The following OPRM1 variants were observed in gnomAD, a reference collection of about 807,000 sequenced individuals.
OPRM1 encodes the protein mu-type opioid receptor.
Under a neutral mutation model 31.8 loss-of-function variants are expected in OPRM1, and 27 were observed. That is an observed-to-expected ratio of 0.85 (90% confidence interval 0.63 to 1.17). The LOEUF is 1.17. Ranked by LOEUF, OPRM1 falls within the 50% of genes most tolerant of loss-of-function variation. The probability of loss-of-function intolerance (pLI) is 0.00; values close to 1 mark genes in which losing one functional copy is unlikely to be tolerated. For missense variants in OPRM1, 536 were observed against 511.1 expected, an observed-to-expected ratio of 1.05 and a Z score of -0.47; for synonymous variants, 196 against 189.9, an observed-to-expected ratio of 1.03 and a Z score of -0.26.
intron 1 of OPRM1, among the ~76,000 whole-genome samples, chr6:154,058,809 C>T (rs938304546): frequency 6.6e-6 from 1 of 152,086 alleles, no homozygotes. Context: ...CTTAAATACA[C>T]TACATTAAAA....
chr6:154,109,786 CTCTCTCTGTG>C (rs1362262074), intron 3 of OPRM1, among the ~76,000 whole-genome samples: 10 of 92,352 alleles, frequency 1.1e-4, no homozygotes, highest in Middle Eastern at 6.0e-3. Flanking sequence ...CTCTCTCTCT[CTCTCTCTGTG>C]TGTGTGTGTG....
chr6:154,129,307 T>C lies in OPRM1; in HGVS notation c.*10586T>C, dbSNP rs201611996. On this transcript the variant is annotated 3_prime_UTR_variant, in exon 4 of 4. Transcript: ENST00000330432. ...AACAGAACAATGTTCTTCTATACAA[T>C]GTAAGGAATCTATGAATAACATCGG... 4.6e-5 allele frequency among the ~76,000 whole-genome samples: 7 copies of C among 152,318 alleles called. 1 individual carries two copies. The East Asian group carries it at 7.7e-4, about 17-fold the overall frequency.
intron 3 of OPRM1, among the ~76,000 whole-genome samples, chr6:154,152,357 A>AAAGAAAGAAAGAAAGAAAGC (rs1798551129): frequency 6.8e-6 from 1 of 147,286 alleles, no homozygotes; most frequent in South Asian, 2.2e-4. Flanking sequence ...GGAAAGAAAG[A>AAAGAAAGAAAGAAAGAAAGC]AAGAAAGAAA....
At chr6:154,146,376 G>A (rs1218086833) in intron 3 of OPRM1, among the ~76,000 whole-genome samples, 1 of 152,046 alleles carries the variant, frequency 6.6e-6, no homozygotes, top group Non-Finnish European at 1.5e-5. Flanking sequence ...CTCTAGTCTG[G>A]GCAACAGAAC....
chr6:154,082,956 A>T (rs1164509455), intron 1 of OPRM1, among the ~76,000 whole-genome samples: 1 of 152,202 alleles, frequency 6.6e-6, no homozygotes, highest in Non-Finnish European at 1.5e-5. Flanking sequence ...TATAATACAT[A>T]AATACTATTT....
At position 154,039,411 on chromosome 6, in the gene OPRM1, C is replaced by T. The variant is rs1402154770; in HGVS notation, c.-134C>T. On this transcript the variant is annotated 5_prime_UTR_variant, in exon 1 of 4. Transcript: ENST00000330432. The stretch of plus-strand genomic sequence containing the variant: ...CGCCTGACGCTCCTCTCTGTCTCAG[C>T]CAGGACTGGTTTCTGTAAGAAACAG... 6.5e-7 allele frequency: 1 copy of T among 1,550,028 alleles called. No homozygotes were observed. The highest frequency in any genetic ancestry group is 1.4e-5 in the African/African-American group (1 of 72,982).
At chr6:154,048,002 G>T (rs888741168) in intron 1 of OPRM1, among the ~76,000 whole-genome samples, 2 of 152,074 alleles carry the variant, frequency 1.3e-5, no homozygotes, top group Non-Finnish European at 2.9e-5. Flanking sequence ...TTTCATAAGG[G>T]CATTAATAGT....
Position 154,039,632 on chromosome 6 carries a change from TC to T in OPRM1, c.90del (p.Trp31GlyfsTer7). On this transcript the variant is annotated frameshift_variant, in exon 1 of 4. Transcript: ENST00000330432. LOFTEE classifies it high-confidence loss of function. Reference sequence around the variant, plus strand: ...TTGCTCCCCAGCACCCAGCCCCGGTTCCTGGGTCAACTTGTCCCACTTAGAT... The same window carrying T: ...TTGCTCCCCAGCACCCAGCCCCGGTTCTGGGTCAACTTGTCCCACTTAGAT... Reference protein sequence around the residue: ...SSCSPAPSPGSWVNLSHLDGN... With the variant: ...SSCSPAPSPGXWVNLSHLDGN... 2.5e-6 allele frequency: 4 copies of T among 1,613,744 alleles called. No individual in the cohort carries two copies. The highest frequency in any genetic ancestry group is 3.4e-6 in the Non-Finnish European group (4 of 1,179,664).
At chr6:154,078,991 G>A (rs1300985104) in intron 1 of OPRM1, among the ~76,000 whole-genome samples, 1 of 152,182 alleles carries the variant, frequency 6.6e-6, no homozygotes, top group African/African-American at 2.4e-5. Flanking sequence ...CACACAGAGA[G>A]GAAGAGAGGA....
rs767553433 is a variant in OPRM1, at chr6:154,039,591, C to G, written c.47C>G (p.Ala16Gly). 10 of 1,613,858 alleles carry G rather than the reference C, an allele frequency of 6.2e-6. No homozygotes were observed. Among genetic ancestry groups the G allele is most frequent in the Non-Finnish European group, 6.8e-6 (8 of 1,179,898 alleles). ...APTNASNCTD[A>G]LAYSSCSPAP... ...ACGAACGCCAGCAATTGCACTGATG[C>G]CTTGGCGTACTCAAGTTGCTCCCCA... Residue 16 changes from alanine to glycine, a missense_variant, in exon 1 of 4, where the codon GCC becomes GGC. Physicochemically the swap from Ala to Gly is moderately conservative, Grantham distance 60. Transcript: ENST00000330432.
At chr6:154,210,499 A>G (rs1777876443) in intron 3 of OPRM1, among the ~76,000 whole-genome samples, 2 of 152,202 alleles carry the variant, frequency 1.3e-5, no homozygotes, top group Non-Finnish European at 2.9e-5. Context: ...AACAAGGAAC[A>G]TTTTTTGAAG....
intron 1 of OPRM1, among the ~76,000 whole-genome samples, chr6:154,017,904 T>C (rs944981953): frequency 6.6e-6 from 1 of 152,132 alleles, no homozygotes; most frequent in Non-Finnish European, 1.5e-5. Flanking sequence ...TCAAACCACC[T>C]AGTCAATTAA....
chr6:154,212,862 C>T, intron 3 of OPRM1: 2 of 1,597,316 alleles, frequency 1.3e-6, no homozygotes, highest in Non-Finnish European at 1.7e-6. Context: ...CATTCTATAA[C>T]AAAAATGAAA....
chr6:154,021,191 G>A (rs1159383594), intron 1 of OPRM1, among the ~76,000 whole-genome samples: 2 of 152,148 alleles, frequency 1.3e-5, no homozygotes, highest in Non-Finnish European at 2.9e-5. Context: ...ACATCCCATT[G>A]TTCAGCACCA....
chr6:154,167,852 T>C (rs773615630), intron 3 of OPRM1: 48 of 1,187,072 alleles, frequency 4.0e-5, no homozygotes, highest in Non-Finnish European at 5.2e-5. Flanking sequence ...AGCAAGAATC[T>C]CTCTGCAGAA....
At chr6:154,093,348 C>T in intron 3 of OPRM1, 2 of 1,614,148 alleles carry the variant, frequency 1.2e-6, no homozygotes, top group Non-Finnish European at 8.5e-7. Context: ...ACTGCAAGGA[C>T]CTCTTGTCAG....
intron 3 of OPRM1, among the ~76,000 whole-genome samples, chr6:154,173,494 A>C (rs1337427184): frequency 6.6e-6 from 1 of 152,232 alleles, no homozygotes; most frequent in African/African-American, 2.4e-5. Flanking sequence ...TTTGGTGCTG[A>C]AAACCACAGT....
At chr6:154,076,512 A>G (rs1787911221) in intron 1 of OPRM1, among the ~76,000 whole-genome samples, 1 of 152,188 alleles carries the variant, frequency 6.6e-6, no homozygotes. Context: ...CATATTACCT[A>G]TCATTCATAA....
intron 1 of OPRM1, among the ~76,000 whole-genome samples, chr6:154,082,873 C>G (rs778729045): frequency 6.6e-6 from 1 of 152,016 alleles, no homozygotes; most frequent in Non-Finnish European, 1.5e-5. Flanking sequence ...AAAATCAAAG[C>G]CACAGATAGG....
Sources: allele counts gnomAD v4.1 joint callset (sites outside exome capture counted in the v4.1 genomes callset), GRCh38; gene constraint gnomAD v4.1.1; transcripts MANE v1.5; gene names NCBI Gene and HGNC (gene_info 2026-07-23, HGNC 2026-07-21).